NIPSNAP3B: variants seen among roughly 807,000 people sequenced by gnomAD.
NIPSNAP3B encodes the protein nipsnap homolog 3B.
In NIPSNAP3B, 30 loss-of-function variants were observed where a neutral mutation model predicts 31.5. The observed-to-expected ratio is 0.95, with a 90% CI of 0.71 to 1.29. The LOEUF is 1.29. Ranked by LOEUF, NIPSNAP3B falls within the 50% of genes most tolerant of loss-of-function variation. The pLI is 0.00. For synonymous variants in NIPSNAP3B, 106 were observed against 107.9 expected, an observed-to-expected ratio of 0.98 and a Z score of 0.11; for missense variants, 269 against 300.7, an observed-to-expected ratio of 0.89 and a Z score of 0.78.
rs548960567 is a variant in NIPSNAP3B at position 104,768,939 on chromosome 9, A to C, written c.348A>C (p.Pro116=). The stretch of plus-strand genomic sequence containing the variant: ...AATGGCAAGAACAATCTATCATTCC[A>C]AATTTGGCTCGCATTGATAAACAAG... ...CKEWQEQSII[P]NLARIDKQET... The change falls in exon 3 of 6, where the codon CCA becomes CCC. Residue 116 remains proline (P), a synonymous_variant. Coordinates refer to ENST00000374762, the MANE Select transcript of NIPSNAP3B (RefSeq NM_018376.4). The C allele has an allele frequency of 2.2e-5, 35 of 1,613,996 alleles. No individual in the cohort carries two copies. In the South Asian group the frequency reaches 3.2e-4, roughly 15 times the overall value.
downstream of NIPSNAP3B, among the ~76,000 whole-genome samples, chr9:104,779,543 T>C (rs2118818069): frequency 6.6e-6 from 1 of 152,252 alleles, no homozygotes; most frequent in Non-Finnish European, 1.5e-5. Context: ...TGGTACTTTT[T>C]ACCTCATAGG....
chr9:104,787,042 T>A, the NIPSNAP3B span: 3 of 1,436,644 alleles, frequency 2.1e-6, no homozygotes, highest in Non-Finnish European at 2.9e-6. Context: ...AATTTGTTTT[T>A]AAATGCAGAA....
downstream of NIPSNAP3B, chr9:104,782,027 C>T (rs1828576153): frequency 6.6e-6 from 1 of 152,130 alleles, no homozygotes; most frequent in South Asian, 2.1e-4. Flanking sequence ...AAATAGTTCA[C>T]AGTGCCTTTT....
intron 2 of NIPSNAP3B, among the ~76,000 whole-genome samples, 164 bp downstream of exon 2, chr9:104,766,699 G>A (rs772484347): frequency 4.4e-4 from 67 of 152,058 alleles, no homozygotes; most frequent in Non-Finnish European, 2.5e-4. Flanking sequence ...TCTTCCCAGT[G>A]GTACACCTCT....
intron 4 of NIPSNAP3B, among the ~76,000 whole-genome samples, chr9:104,772,294 C>A (rs1828240054): frequency 9.7e-6 from 1 of 103,350 alleles, no homozygotes; most frequent in African/African-American, 3.7e-5. Flanking sequence ...TTTTTGGTGT[C>A]TTTGTCATTC....
chr9:104,785,672 T>C, the NIPSNAP3B span: 4 of 1,612,702 alleles, frequency 2.5e-6, no homozygotes, highest in Non-Finnish European at 2.5e-6. Context: ...AAATGGAGGA[T>C]CTCCAGAAAA....
chr9:104,768,827 TA>T (rs771747415), intron 2 of NIPSNAP3B, 35 bp from the exon 3 acceptor site: 2 of 1,574,246 alleles, frequency 1.3e-6, no homozygotes, highest in Non-Finnish European at 1.7e-6. Flanking sequence ...CGATTTTAAA[TA>T]AAAAAACATT....
chr9:104,771,009 C>A lies in NIPSNAP3B; in HGVS notation c.580+11C>A. 2 of 1,612,472 alleles carry A rather than the reference C, an allele frequency of 1.2e-6. No individual in the cohort carries two copies. The highest frequency in any genetic ancestry group is 2.7e-5 in the African/African-American group (2 of 75,004). ...GAGAACTCAACAGAGGTACAGTTGTCCATTTGTTCTATGAAGTTGCCATGT... is the reference window on the plus strand; with the variant it reads ...GAGAACTCAACAGAGGTACAGTTGTACATTTGTTCTATGAAGTTGCCATGT... On this transcript the variant is annotated intron_variant, in intron 4 of 5. Coordinates refer to ENST00000374762, the MANE Select transcript of NIPSNAP3B (RefSeq NM_018376.4).
the NIPSNAP3B span, among the ~76,000 whole-genome samples, chr9:104,786,628 T>C: frequency 1.3e-5 from 2 of 152,244 alleles, no homozygotes; most frequent in African/African-American, 4.8e-5. Flanking sequence ...AATGGAATAC[T>C]ATCCAGCTAT....
the NIPSNAP3B span, among the ~76,000 whole-genome samples, chr9:104,789,757 A>G: frequency 6.8e-6 from 1 of 146,512 alleles, no homozygotes; most frequent in Non-Finnish European, 1.5e-5. Context: ...GTCATGGTCA[A>G]AAAACTCTGA....
chr9:104,769,336 C>G (rs1828158639), intron 3 of NIPSNAP3B, among the ~76,000 whole-genome samples: 2 of 151,896 alleles, frequency 1.3e-5, no homozygotes, highest in South Asian at 4.2e-4. Flanking sequence ...TGCCTGTAGT[C>G]CCAGCTACTA....
chr9:104,784,549 A>G, the NIPSNAP3B span: 1 of 1,443,010 alleles, frequency 6.9e-7, no homozygotes, highest in Non-Finnish European at 9.7e-7. Flanking sequence ...AATTAGGTCA[A>G]GTAGGAGCAT....
At chr9:104,787,483 C>G in the NIPSNAP3B span, among the ~76,000 whole-genome samples, 1 of 152,046 alleles carries the variant, frequency 6.6e-6, no homozygotes, top group African/African-American at 2.4e-5. Flanking sequence ...CATCAATGCT[C>G]TTATCTACAG....
the NIPSNAP3B span, chr9:104,783,993 CAA>C: frequency 0.027 from 3,557 of 133,064 alleles, no homozygotes; most frequent in South Asian, 0.047. Context: ...TACACAGGAA[CAA>C]AAAAAAAAAA....
chr9:104,788,383 G>A, the NIPSNAP3B span: 5 of 1,613,784 alleles, frequency 3.1e-6, no homozygotes, highest in Admixed American at 5.0e-5. Context: ...TATATTGTCA[G>A]GATGCCAAAG....
chr9:104,781,252 A>G (rs547370660), downstream of NIPSNAP3B: 6 of 152,722 alleles, frequency 3.9e-5, no homozygotes, highest in Admixed American at 2.6e-4. Context: ...ATGAGGGCCA[A>G]TGATGAACAA....
Position 104,775,975 on chromosome 9 carries a change from T to A in NIPSNAP3B, c.*2902T>A, listed in dbSNP as rs1459934746. Among the ~76,000 whole-genome samples, 1 of 152,084 alleles carries A rather than the reference T, an allele frequency of 6.6e-6. No homozygotes were observed. Among genetic ancestry groups the A allele is most frequent in the East Asian group, 1.9e-4 (1 of 5,190 alleles). On this transcript the variant is annotated 3_prime_UTR_variant, in exon 6 of 6. Coordinates refer to ENST00000374762, the MANE Select transcript of NIPSNAP3B (RefSeq NM_018376.4). Reference sequence around the variant, plus strand: ...GTGGTCTTAACTGGTGTGCTGCCCTTCCCCTCTGCTCTCAACCCTATTTTC... The same window carrying A: ...GTGGTCTTAACTGGTGTGCTGCCCTACCCCTCTGCTCTCAACCCTATTTTC...
At chr9:104,780,097 T>TTTA (rs1828441062), downstream of NIPSNAP3B, among the ~76,000 whole-genome samples, 1 of 152,208 alleles carries the variant, frequency 6.6e-6, no homozygotes, top group Non-Finnish European at 1.5e-5. Context: ...TACCTGCCTT[T>TTTA]TTATTTTTCA....
the NIPSNAP3B span, among the ~76,000 whole-genome samples, chr9:104,786,098 T>A: frequency 1.3e-5 from 2 of 152,230 alleles, no homozygotes; most frequent in African/African-American, 4.8e-5. Context: ...TTAAGTCACT[T>A]GCCCAAGAGT....
Sources: allele counts gnomAD v4.1 joint callset (sites outside exome capture counted in the v4.1 genomes callset), GRCh38; gene constraint gnomAD v4.1.1; transcripts MANE v1.5; gene names NCBI Gene and HGNC (gene_info 2026-07-23, HGNC 2026-07-21).